Variants in CACNA2D3 observed in about 807,000 individuals in gnomAD.
The protein encoded by CACNA2D3 is voltage-dependent calcium channel subunit alpha-2/delta-3.
In CACNA2D3, 60 loss-of-function variants were observed where a neutral mutation model predicts 160.6. That is an observed-to-expected ratio of 0.37 (90% CI 0.30 to 0.46). The LOEUF is 0.46. CACNA2D3 is among the 20% of genes least tolerant of loss of function. The pLI, the probability that CACNA2D3 is intolerant of heterozygous loss-of-function variation, is 1.00. For missense variants in CACNA2D3, 1,205 were observed against 1,365.0 expected, an observed-to-expected ratio of 0.88 and a Z score of 1.85; for synonymous variants, 558 against 492.9, an observed-to-expected ratio of 1.13 and a Z score of -1.75.
rs377238836 is a variant in CACNA2D3 at position 54,498,377 on chromosome 3, G to A, written c.382-5115G>A. Among the ~76,000 whole-genome samples, 561 of 152,038 alleles carry A rather than the reference G, an allele frequency of 3.7e-3. 2 individuals carry two copies. The highest frequency in any genetic ancestry group is 0.013 in the African/African-American group (535 of 41,546). Reference sequence around the variant, plus strand: ...TTATTGAACTTATTGGCATAAAGTTGTTTGTAATATTCCCTTATCCTTTCA... The same window carrying A: ...TTATTGAACTTATTGGCATAAAGTTATTTGTAATATTCCCTTATCCTTTCA... On this transcript the variant is annotated intron_variant, in intron 4 of 37. Coordinates refer to ENST00000474759, the MANE Select transcript of CACNA2D3 (RefSeq NM_018398.3).
intron 4 of CACNA2D3, among the ~76,000 whole-genome samples, chr3:54,389,353 G>A (rs898404395): frequency 2.6e-5 from 4 of 151,758 alleles, no homozygotes. Flanking sequence ...AATGCATATA[G>A]AAAAATGATT....
chr3:54,596,529 C>A (rs543398807), intron 9 of CACNA2D3, among the ~76,000 whole-genome samples: 1 of 152,114 alleles, frequency 6.6e-6, no homozygotes, highest in South Asian at 2.1e-4. Flanking sequence ...AAAAGCACTG[C>A]CCTTCACTGT....
intron 34 of CACNA2D3, among the ~76,000 whole-genome samples, chr3:55,009,834 A>G (rs550371964): frequency 4.6e-5 from 7 of 152,326 alleles, no homozygotes; most frequent in Admixed American, 3.3e-4. Flanking sequence ...CCCTCATAGA[A>G]CATAAATCTG....
intron 2 of CACNA2D3, among the ~76,000 whole-genome samples, chr3:54,160,645 C>T (rs1700327911): frequency 6.6e-6 from 1 of 152,192 alleles, no homozygotes; most frequent in South Asian, 2.1e-4. Context: ...TTGTTACTGG[C>T]ATTGTCATAT....
At chr3:54,751,874 C>T (rs1299035334) in intron 11 of CACNA2D3, among the ~76,000 whole-genome samples, 1 of 152,194 alleles carries the variant, frequency 6.6e-6, no homozygotes, top group Non-Finnish European at 1.5e-5. Context: ...AGGATTTTAA[C>T]CTTTTCATTC....
At chr3:54,917,769 AT>A (rs549439556) in intron 27 of CACNA2D3, among the ~76,000 whole-genome samples, 1 of 152,100 alleles carries the variant, frequency 6.6e-6, no homozygotes, top group Non-Finnish European at 1.5e-5. Context: ...TTACCCTTGC[AT>A]CAGAAAACTT....
intron 2 of CACNA2D3, among the ~76,000 whole-genome samples, chr3:54,262,763 CA>C (rs1418814066): frequency 6.6e-6 from 1 of 152,218 alleles, no homozygotes; most frequent in Non-Finnish European, 1.5e-5. Flanking sequence ...AGCCATTACT[CA>C]AGTAATTATG....
intron 2 of CACNA2D3, among the ~76,000 whole-genome samples, chr3:54,217,969 T>G (rs1701493893): frequency 6.6e-6 from 1 of 150,616 alleles, no homozygotes; most frequent in African/African-American, 2.4e-5. Flanking sequence ...GGGGGGTGTT[T>G]TAGAGAGAGA....
intron 2 of CACNA2D3, among the ~76,000 whole-genome samples, chr3:54,190,757 A>G (rs918402530): frequency 1.3e-5 from 2 of 152,200 alleles, no homozygotes; most frequent in Non-Finnish European, 2.9e-5. Context: ...CATTTTACAA[A>G]CATTAGTTGC....
chr3:55,038,503 G>A (rs1384017421), intron 35 of CACNA2D3, among the ~76,000 whole-genome samples: 2 of 152,090 alleles, frequency 1.3e-5, no homozygotes, highest in African/African-American at 4.8e-5. Context: ...GTGAACATAA[G>A]TGCTATATAT....
At chr3:54,496,364 A>G (rs1484365866) in intron 4 of CACNA2D3, among the ~76,000 whole-genome samples, 4 of 152,178 alleles carry the variant, frequency 2.6e-5, no homozygotes, top group Non-Finnish European at 5.9e-5. Flanking sequence ...ATAAAATGGC[A>G]TCTGATTGGA....
chr3:55,066,896 A>T (rs1704653048), intron 35 of CACNA2D3, among the ~76,000 whole-genome samples: 1 of 151,996 alleles, frequency 6.6e-6, no homozygotes, highest in African/African-American at 2.4e-5. Flanking sequence ...TCTGACTATG[A>T]TGTCAGCCTG....
Position 54,717,553 on chromosome 3 carries a change from GTGT to G in CACNA2D3, c.1168-35045_1168-35043del, listed in dbSNP as rs1243922930. On this transcript the variant is annotated intron_variant, in intron 11 of 37. Transcript: ENST00000474759. ...TGTGTGTGTGGTGTGCATGTGTGGTGTGTGTGTGTGTGTGTGGTGTGTATGTGT... is the reference window on the plus strand; with the variant it reads ...TGTGTGTGTGGTGTGCATGTGTGGTGGTGTGTGTGTGTGGTGTGTATGTGT... Among the ~76,000 whole-genome samples the G allele has an allele frequency of 1.7e-3, 17 of 9,970 alleles. No homozygotes were observed. The East Asian group carries it at 0.019, about 11-fold the overall frequency. The allele number at this position is 9,970 out of a possible 152,430, so 6.5% of individuals were successfully genotyped here. A position where few individuals can be genotyped will look rare whatever the true frequency, so the allele number is the denominator to read the frequency against.
chr3:54,441,134 C>G (rs1375167787), intron 4 of CACNA2D3, among the ~76,000 whole-genome samples: 1 of 152,192 alleles, frequency 6.6e-6, no homozygotes, highest in Non-Finnish European at 1.5e-5. Context: ...TTCTCCACAT[C>G]TTCTCCAGCA....
chr3:54,942,402 G>A (rs1360579565), intron 27 of CACNA2D3, among the ~76,000 whole-genome samples: 1 of 152,188 alleles, frequency 6.6e-6, no homozygotes, highest in Non-Finnish European at 1.5e-5. Flanking sequence ...CACACCTTCT[G>A]ATTTGGGCAC....
chr3:54,699,107 G>T (rs540624003), intron 11 of CACNA2D3, among the ~76,000 whole-genome samples: 1 of 152,184 alleles, frequency 6.6e-6, no homozygotes, highest in African/African-American at 2.4e-5. Flanking sequence ...GTCTTAAGAC[G>T]AAAATAAGAC....
chr3:54,289,107 A>G (rs1335485025), intron 2 of CACNA2D3, among the ~76,000 whole-genome samples: 3 of 152,216 alleles, frequency 2.0e-5, no homozygotes. Flanking sequence ...GGAAAAGAGG[A>G]AGTCAAATTG....
At chr3:54,247,916 A>G (rs1702112497) in intron 2 of CACNA2D3, among the ~76,000 whole-genome samples, 1 of 152,122 alleles carries the variant, frequency 6.6e-6, no homozygotes, top group Non-Finnish European at 1.5e-5. Flanking sequence ...TGCTCAAACT[A>G]CTGACCAAAT....
intron 26 of CACNA2D3, 170 bp downstream of exon 26, chr3:54,897,040 A>G: frequency 3.1e-6 from 2 of 648,636 alleles, no homozygotes; most frequent in South Asian, 5.0e-5. Flanking sequence ...CCATAAGAGT[A>G]ATAGCCTCAA....
Sources: gnomAD v4.1 joint callset for allele counts (sites outside exome capture counted in the v4.1 genomes callset) on GRCh38, gnomAD v4.1.1 for gene constraint, MANE v1.5 for transcripts, NCBI Gene and HGNC (gene_info 2026-07-23, HGNC 2026-07-21) for gene names.